Variants in APPL2 observed in about 807,000 individuals in gnomAD.
The protein encoded by APPL2 is adaptor protein, phosphotyrosine interacting with PH domain and leucine zipper 2.
Under a neutral mutation model 92.7 loss-of-function variants are expected in APPL2, and 84 were observed. The ratio of observed to expected loss-of-function variants is 0.91; its 90% CI spans 0.76 to 1.09. The LOEUF is 1.09. Ranked by LOEUF, APPL2 falls within the 50% of genes least tolerant of loss-of-function variation. The pLI is 0.00. For missense variants in APPL2, 736 were observed against 824.5 expected, an observed-to-expected ratio of 0.89 and a Z score of 1.31; for synonymous variants, 291 against 291.0, an observed-to-expected ratio of 1.00 and a Z score of 0.00.
intron 2 of APPL2, among the ~76,000 whole-genome samples, chr12:105,226,944 C>G (rs552695014): frequency 6.6e-6 from 1 of 151,914 alleles, no homozygotes; most frequent in African/African-American, 2.4e-5. Flanking sequence ...AGGACCTTAT[C>G]TCTACCAAAA....
chr12:105,174,187 G>T lies in APPL2; in HGVS notation c.*127C>A. 1.7e-6 allele frequency: 2 copies of T among 1,208,062 alleles called. No individual in the cohort carries two copies. The allele number at this position is 1,208,062 out of a possible 1,614,324, so 74.8% of individuals were successfully genotyped here. On this transcript the variant is annotated 3_prime_UTR_variant, in exon 21 of 21. Transcript: ENST00000258530. ...CCAAGTCTCAGTATCAAGGCATCAA[G>T]ATTACATTCCACAAACGATTGTCAG... is the stretch of plus-strand genomic sequence containing the variant.
intron 11 of APPL2, 64 bp from the exon 12 acceptor site, chr12:105,195,691 C>T: frequency 1.9e-6 from 3 of 1,580,998 alleles, no homozygotes; most frequent in Non-Finnish European, 2.6e-6. Context: ...AATTTCTCTA[C>T]ATAAACTGAA....
chr12:105,217,423 G>C (rs1308520703), intron 3 of APPL2, among the ~76,000 whole-genome samples: 1 of 152,160 alleles, frequency 6.6e-6, no homozygotes, highest in Non-Finnish European at 1.5e-5. Context: ...TTCACTTGTA[G>C]TTCCTTGGAG....
chr12:105,194,686 G>A (rs753776482), intron 14 of APPL2, among the ~76,000 whole-genome samples: 3 of 151,352 alleles, frequency 2.0e-5, no homozygotes, highest in Non-Finnish European at 2.9e-5. Context: ...GTGAGACTCC[G>A]TCTCGAAAAA....
chr12:105,192,044 G>T (rs1412334681), intron 14 of APPL2, among the ~76,000 whole-genome samples: 1 of 150,458 alleles, frequency 6.6e-6, no homozygotes, highest in African/African-American at 2.5e-5. Flanking sequence ...AACTCATTTG[G>T]GATGTTTCAC....
intron 20 of APPL2, among the ~76,000 whole-genome samples, chr12:105,175,741 C>T (rs755058524): frequency 4.8e-5 from 7 of 144,918 alleles, no homozygotes; most frequent in East Asian, 2.1e-4. Context: ...GAGCAGCACA[C>T]GGTGGGTACT....
rs76779033 is a variant in APPL2, at chr12:105,218,798, A to G, written c.154-1073T>C. On this transcript the variant is annotated intron_variant, in intron 2 of 20. Transcript: ENST00000258530. ...CAATGATGGATGGTAACAGAAGCAC[A>G]GCTAAACCCAAGTATCCCAGAAAAC... is the stretch of plus-strand genomic sequence containing the variant. Among the ~76,000 whole-genome samples, 5 of 152,356 alleles carry G rather than the reference A, an allele frequency of 3.3e-5. No individual in the cohort carries two copies. In the East Asian group the frequency reaches 9.6e-4, roughly 29 times the overall value.
In APPL2 at chr12:105,221,667, T is replaced by C. The variant is rs142227005; in HGVS notation, c.154-3942A>G. Reference sequence around the variant, plus strand: ...TCTCAATGGAGTTCCATGAGCAGCATTGTTTTGGGCACTCTGGGCCGCTCT... The same window carrying C: ...TCTCAATGGAGTTCCATGAGCAGCACTGTTTTGGGCACTCTGGGCCGCTCT... On this transcript the variant is annotated intron_variant, in intron 2 of 20. Coordinates refer to ENST00000258530, the MANE Select transcript of APPL2 (RefSeq NM_018171.5). 6.5e-3 allele frequency among the ~76,000 whole-genome samples: 991 copies of C among 152,224 alleles called. 8 individuals are homozygous for C. Among genetic ancestry groups the C allele is most frequent in the Non-Finnish European group, 9.8e-3 (666 of 68,008 alleles).
chr12:105,211,397 A>G (rs1463898571), intron 4 of APPL2, 80 bp from the exon 5 acceptor site: 1 of 1,044,250 alleles, frequency 9.6e-7, no homozygotes, highest in East Asian at 2.5e-5. Context: ...AAGGAATCAC[A>G]CTGAACACTT....
intron 9 of APPL2, among the ~76,000 whole-genome samples, chr12:105,200,831 C>CGTATGTATGTACGTATGTAT (rs1888102965): frequency 6.9e-6 from 1 of 144,396 alleles, no homozygotes; most frequent in Non-Finnish European, 1.5e-5. Context: ...CCACTCTCTA[C>CGTATGTATGTACGTATGTAT]GTATGTATGT....
chr12:105,233,329 C>A, intron 1 of APPL2: 1 of 985,462 alleles, frequency 1.0e-6, no homozygotes, highest in Non-Finnish European at 1.2e-6. Flanking sequence ...ATTTCTTAAT[C>A]CCTAAAATGT....
chr12:105,184,845 C>T (rs910111505), intron 17 of APPL2, among the ~76,000 whole-genome samples: 1 of 152,188 alleles, frequency 6.6e-6, no homozygotes, highest in Admixed American at 6.5e-5. Context: ...TCTGCTGAAA[C>T]TGCGCCCACA....
chr12:105,210,073 G>A (rs970726168), intron 5 of APPL2, among the ~76,000 whole-genome samples: 2 of 152,030 alleles, frequency 1.3e-5, no homozygotes, highest in Non-Finnish European at 2.9e-5. Flanking sequence ...CGATTCTCCT[G>A]CCTCAGCCTC....
At chr12:105,203,856 C>A in intron 8 of APPL2, 71 bp from the exon 9 acceptor site, 1 of 1,395,330 alleles carries the variant, frequency 7.2e-7, no homozygotes. Flanking sequence ...GAAGGTGAGA[C>A]AGGCAGCGTG....
chr12:105,210,274 A>T (rs1261611644), intron 5 of APPL2, among the ~76,000 whole-genome samples: 1 of 152,072 alleles, frequency 6.6e-6, no homozygotes, highest in Non-Finnish European at 1.5e-5. Flanking sequence ...TTTACCTTTA[A>T]GACTTGTCTT....
chr12:105,193,126 C>A (rs1453788653), intron 14 of APPL2, among the ~76,000 whole-genome samples: 1 of 152,136 alleles, frequency 6.6e-6, no homozygotes, highest in East Asian at 1.9e-4. Flanking sequence ...TTTTTTTTCC[C>A]CCCAGGGAGT....
chr12:105,229,841 C>A, intron 1 of APPL2: 2 of 837,610 alleles, frequency 2.4e-6, no homozygotes, highest in Non-Finnish European at 2.9e-6. Flanking sequence ...TGCAATGGTG[C>A]GATCTCGGCT....
Position 105,236,004 on chromosome 12 carries a change from G to A in APPL2, c.9C>T (p.Ala3=). 1 of 1,250,848 alleles carries A rather than the reference G, an allele frequency of 8.0e-7. No homozygotes were observed. Among genetic ancestry groups the A allele is most frequent in the Non-Finnish European group, 1.0e-6 (1 of 990,232 alleles). The allele number at this position is 1,250,848 out of a possible 1,614,324, so 77.5% of individuals were successfully genotyped here. MP[A]VDKLLLEEAL... ...CCTCCTCTAGCAGGAGCTTGTCCAC[G>A]GCGGGCATGGTGCGGCGCGGCTCAG... is the stretch of plus-strand genomic sequence containing the variant. Residue 3 remains alanine, a synonymous_variant, in exon 1 of 21, where the codon GCC becomes GCT. Coordinates refer to ENST00000258530, the MANE Select transcript of APPL2 (RefSeq NM_018171.5).
chr12:105,217,527 T>G, intron 3 of APPL2, 139 bp downstream of exon 3: 1 of 768,280 alleles, frequency 1.3e-6, no homozygotes, highest in Admixed American at 2.8e-5. Context: ...AATACATCAG[T>G]GGAAGGGAAA....
Sources: allele counts gnomAD v4.1 joint callset (sites outside exome capture counted in the v4.1 genomes callset), GRCh38; gene constraint gnomAD v4.1.1; transcripts MANE v1.5; gene names NCBI Gene and HGNC (gene_info 2026-07-23, HGNC 2026-07-21).